DDX18: variants seen among roughly 807,000 people sequenced by gnomAD.
DDX18 encodes ATP-dependent RNA helicase DDX18.
DDX18 carries 23 observed loss-of-function variants against 73.5 expected under a neutral mutation model. The observed-to-expected ratio is 0.31, with a 90% confidence interval of 0.23 to 0.44. The LOEUF (loss-of-function observed/expected upper bound fraction) is 0.44. Among genes scored for constraint, DDX18 ranks in the 20% least tolerant of loss-of-function variants. The pLI is 1.00. For synonymous variants in DDX18, 268 were observed against 282.7 expected, an observed-to-expected ratio of 0.95 and a Z score of 0.52; for missense variants, 753 against 792.9, an observed-to-expected ratio of 0.95 and a Z score of 0.60.
intron 3 of DDX18, 117 bp downstream of exon 3, chr2:117,819,909 C>G: frequency 9.9e-7 from 1 of 1,007,902 alleles, no homozygotes; most frequent in Non-Finnish European, 1.3e-6. Flanking sequence ...TAACTATCAA[C>G]AAGAAACTTT....
In DDX18 at chr2:117,814,692, C is replaced by T. The variant is rs1558730396; in HGVS notation, c.-86C>T. On this transcript the variant is annotated 5_prime_UTR_variant, in exon 1 of 14. The change creates a new upstream start codon in the 5' untranslated region. Coordinates refer to ENST00000263239, the MANE Select transcript of DDX18 (RefSeq NM_006773.4). ...CGTTTCCTGTTGGCCGAGCTGCGCA[C>T]GTGCGGCCGGAAGGGAAGTAACGTC... The T allele has an allele frequency of 1.4e-6, 2 of 1,394,738 alleles. No individual in the cohort carries two copies. The highest frequency in any genetic ancestry group is 2.0e-6 in the Non-Finnish European group (2 of 999,360). 86.4% of individuals were successfully genotyped at this position (1,394,738 alleles called of 1,614,324 possible). A position where few individuals can be genotyped will look rare whatever the true frequency, so the allele number is the denominator to read the frequency against.
chr2:117,830,042 T>A (rs1679995214), intron 13 of DDX18, among the ~76,000 whole-genome samples: 1 of 152,192 alleles, frequency 6.6e-6, no homozygotes, highest in Non-Finnish European at 1.5e-5. Flanking sequence ...ACTGAGCAGC[T>A]GAAATGAGGC....
chr2:117,814,987 G>C, intron 1 of DDX18, 125 bp downstream of exon 1: 1 of 998,964 alleles, frequency 1.0e-6, no homozygotes, highest in Non-Finnish European at 1.5e-6. Flanking sequence ...TGTGATTGGG[G>C]AGAGTGAAAA....
At chr2:117,820,323 G>C (rs946038782) in intron 3 of DDX18, among the ~76,000 whole-genome samples, 1 of 152,064 alleles carries the variant, frequency 6.6e-6, no homozygotes, top group Admixed American at 6.6e-5. Flanking sequence ...AGGGAAATTC[G>C]CCCCCCGAGT....
In DDX18 at chr2:117,824,990, C is replaced by T; in HGVS notation, c.1257C>T (p.Phe419=). ...AGAGATTCCTTCTGCTCTTTACATT[C>T]CTTAAGAAGAACCGAAAGAAGAAGC... ...SEKRFLLLFT[F]LKKNRKKKLM... Residue 419 remains phenylalanine (F), a synonymous_variant, in exon 9 of 14, where the codon TTC becomes TTT. Transcript: ENST00000263239. The T allele has an allele frequency of 2.5e-6, 4 of 1,613,800 alleles. No homozygotes were observed. The South Asian group carries it at 3.3e-5, about 13-fold the overall frequency.
Position 117,824,650 on chromosome 2 carries a change from C to T in DDX18, c.1148C>T (p.Pro383Leu), listed in dbSNP as rs201111894. The change falls in exon 8 of 14, where the codon CCA (proline) becomes CTA (leucine). Residue 383 changes from proline (P) to leucine (L), a missense_variant. Physicochemically the swap from Pro to Leu is moderately conservative, Grantham distance 98. Coordinates refer to ENST00000263239, the MANE Select transcript of DDX18 (RefSeq NM_006773.4). ...GCAAGGATTTCTCTGAAAAAGGAGC[C>T]ATTGTATGTTGGCGTTGATGATGAT... ...DLARISLKKE[P>L]LYVGVDDDKA... 156 of 1,493,446 alleles carry T rather than the reference C, an allele frequency of 1.0e-4. No individual in the cohort carries two copies. The highest frequency in any genetic ancestry group is 1.6e-5 in the Non-Finnish European group (18 of 1,123,932). 92.5% of individuals were successfully genotyped at this position (1,493,446 alleles called of 1,614,324 possible).
chr2:117,818,768 C>T (rs191278255), intron 2 of DDX18, among the ~76,000 whole-genome samples: 4 of 152,236 alleles, frequency 2.6e-5, no homozygotes, highest in Admixed American at 2.6e-4. Flanking sequence ...GTGATCCTCC[C>T]ACCTCGGCTT....
At chr2:117,826,791 T>A (rs542959978) in intron 11 of DDX18, 1 of 178,300 alleles carries the variant, frequency 5.6e-6, no homozygotes, top group East Asian at 1.5e-4. Flanking sequence ...CTGTCTCCTA[T>A]TCATCAACTC....
intron 13 of DDX18, among the ~76,000 whole-genome samples, chr2:117,829,838 G>A (rs1257748383): frequency 6.6e-6 from 1 of 152,200 alleles, no homozygotes; most frequent in African/African-American, 2.4e-5. Flanking sequence ...GGTGAATGGG[G>A]TGTTTTGAAG....
At position 117,831,662 on chromosome 2, in the gene DDX18, A is replaced by AT. The variant is rs892459719; in HGVS notation, c.*940dup. Reference sequence around the variant, plus strand: ...AGCTGTCAGACGGTGCCCAGCACACATTAATGTTAGCTTCTTTCTGAGAAA... The same window carrying AT: ...AGCTGTCAGACGGTGCCCAGCACACATTTAATGTTAGCTTCTTTCTGAGAAA... On this transcript the variant is annotated 3_prime_UTR_variant, in exon 14 of 14. Transcript: ENST00000263239. 3 of 152,220 alleles carry AT rather than the reference A, an allele frequency of 2.0e-5. No individual in the cohort carries two copies. Among genetic ancestry groups the AT allele is most frequent in the Admixed American group, 1.3e-4 (2 of 15,282 alleles). 9.4% of individuals were successfully genotyped at this position (152,220 alleles called of 1,614,324 possible).
In DDX18 at chr2:117,821,994, C is replaced by T. The variant is rs780528728; in HGVS notation, c.884C>T (p.Ala295Val). The T allele has an allele frequency of 6.2e-6, 10 of 1,614,054 alleles. No homozygotes were observed. The highest frequency in any genetic ancestry group is 8.5e-6 in the Non-Finnish European group (10 of 1,179,952). ...GGTGGCAGTAACAGATCTGCTGAAGCACAGAAACTTGGTAATGGGATCAAC... is the reference window on the plus strand; with the variant it reads ...GGTGGCAGTAACAGATCTGCTGAAGTACAGAAACTTGGTAATGGGATCAAC... ...IMGGSNRSAE[A>V]QKLGNGINII... Residue 295 changes from alanine to valine, a missense_variant, in exon 6 of 14, where the codon GCA becomes GTA. Physicochemically the swap from Ala to Val is moderately conservative, Grantham distance 64. Around this residue, in one of 3 missense-constraint regions of DDX18, gnomAD observed 345 missense variants for 352.0 expected, o/e 0.98. Transcript: ENST00000263239.
intron 2 of DDX18, among the ~76,000 whole-genome samples, chr2:117,818,931 T>C (rs1034656301): frequency 1.3e-5 from 2 of 152,208 alleles, no homozygotes; most frequent in African/African-American, 2.4e-5. Context: ...AAGTTGACTC[T>C]TTCCTGGAAG....
intron 7 of DDX18, 108 bp downstream of exon 7, chr2:117,822,369 T>A: frequency 1.3e-6 from 1 of 787,152 alleles, no homozygotes. Context: ...CATAGCCAAG[T>A]GAGGTAGTTG....
chr2:117,825,469 G>A lies in DDX18; in HGVS notation c.1391G>A (p.Arg464His), dbSNP rs761363256. ...AIHGKQKQNK[R>H]TTTFFQFCNA... is the part of the protein sequence containing the mutation. ...TAGGGAAAGCAAAAGCAAAATAAGC[G>A]TACAACCACATTCTTCCAGTTCTGC... Residue 464 changes from arginine to histidine, a missense_variant, in exon 10 of 14, where the codon CGT becomes CAT. Arg to His is a conservative substitution (Grantham distance 29, BLOSUM62 0). Around this residue, in one of 3 missense-constraint regions of DDX18, gnomAD observed 402 missense variants for 419.4 expected, o/e 0.96. Transcript: ENST00000263239. 6.2e-6 allele frequency: 10 copies of A among 1,613,380 alleles called. No homozygotes were observed. Among genetic ancestry groups the A allele is most frequent in the African/African-American group, 1.3e-5 (1 of 74,906 alleles).
chr2:117,821,833 T>G, intron 5 of DDX18, 29 bp from the exon 6 acceptor site: 2 of 1,613,508 alleles, frequency 1.2e-6, no homozygotes, highest in East Asian at 4.5e-5. Flanking sequence ...GACAGCCACA[T>G]TTAGACTTCT....
intron 2 of DDX18, among the ~76,000 whole-genome samples, chr2:117,818,118 A>G (rs761459371): frequency 1.3e-5 from 2 of 152,218 alleles, no homozygotes; most frequent in Admixed American, 1.3e-4. Context: ...AAACTTCTGA[A>G]TAAATGGAAC....
At chr2:117,825,717 T>C (rs913586937) in intron 10 of DDX18, 118 bp downstream of exon 10, 30 of 1,200,250 alleles carry the variant, frequency 2.5e-5, no homozygotes, top group Admixed American at 6.7e-5. Flanking sequence ...TACTATACAG[T>C]GACTGCAGTA....
chr2:117,819,129 G>A (rs1679804725), intron 2 of DDX18, among the ~76,000 whole-genome samples: 1 of 152,142 alleles, frequency 6.6e-6, no homozygotes, highest in Non-Finnish European at 1.5e-5. Context: ...AAGGTAGTTG[G>A]GGCCACATGA....
At chr2:117,816,356 A>G (rs949878977) in intron 1 of DDX18, among the ~76,000 whole-genome samples, 6 of 152,342 alleles carry the variant, frequency 3.9e-5, no homozygotes, top group Non-Finnish European at 5.9e-5. Context: ...ACACAAGCAC[A>G]TTGTACATAC....
Sources: gnomAD v4.1 joint callset for allele counts (sites outside exome capture counted in the v4.1 genomes callset) on GRCh38, gnomAD v4.1.1 for gene constraint, gnomAD v4.1.1 regional missense constraint, MANE v1.5 for transcripts, NCBI Gene and HGNC (gene_info 2026-07-23, HGNC 2026-07-21) for gene names.